Variants in PEBP4 observed in about 807,000 individuals in gnomAD.
The protein encoded by PEBP4 is phosphatidylethanolamine binding protein 4.
In PEBP4, 22 loss-of-function variants were observed where a neutral mutation model predicts 23.9. The observed-to-expected ratio is 0.92, with a 90% CI of 0.66 to 1.31. The LOEUF is 1.31. Ranked by LOEUF, PEBP4 falls within the 40% of genes most tolerant of loss-of-function variation. PEBP4 has a pLI of 0.00. For missense variants in PEBP4, 324 were observed against 281.7 expected, an observed-to-expected ratio of 1.15 and a Z score of -1.07; for synonymous variants, 112 against 99.3, an observed-to-expected ratio of 1.13 and a Z score of -0.76.
At chr8:22,914,170 T>A (rs1056996361) in intron 3 of PEBP4, among the ~76,000 whole-genome samples, 1 of 151,886 alleles carries the variant, frequency 6.6e-6, no homozygotes, top group African/African-American at 2.4e-5. Context: ...GTATTTTTAG[T>A]AGAAATGGGG....
At position 22,852,796 on chromosome 8, in the gene PEBP4, TA is replaced by T. The variant is rs568169809; in HGVS notation, c.259-35062del. Among the ~76,000 whole-genome samples the T allele has an allele frequency of 4.4e-4, 65 of 148,832 alleles. No individual in the cohort carries two copies. In the East Asian group the frequency reaches 7.4e-3, roughly 17 times the overall value. On this transcript the variant is annotated intron_variant, in intron 3 of 6. Coordinates refer to ENST00000256404, the MANE Select transcript of PEBP4 (RefSeq NM_144962.3). Reference sequence around the variant, plus strand: ...TACCAGGTCCTGAGCAATTAACAATTAAAAAAAAAAGACTAAAAGATGATGG... The same window carrying T: ...TACCAGGTCCTGAGCAATTAACAATTAAAAAAAAAGACTAAAAGATGATGG...
At chr8:22,752,534 T>C (rs1805290225) in intron 4 of PEBP4, among the ~76,000 whole-genome samples, 2 of 152,168 alleles carry the variant, frequency 1.3e-5, no homozygotes, top group African/African-American at 4.8e-5. Context: ...CCCAAAGTCA[T>C]ATACCAAGAC....
chr8:22,782,964 TA>T (rs1163035004), intron 4 of PEBP4, among the ~76,000 whole-genome samples: 3 of 152,166 alleles, frequency 2.0e-5, no homozygotes, highest in African/African-American at 7.2e-5. Context: ...CCCAGACCCA[TA>T]ATAGGGAACA....
At chr8:22,752,142 CA>C (rs1196615400) in intron 4 of PEBP4, among the ~76,000 whole-genome samples, 4 of 152,166 alleles carry the variant, frequency 2.6e-5, no homozygotes, top group African/African-American at 9.7e-5. Flanking sequence ...CTCCTGGCCT[CA>C]AGCAGTCCTC....
intron 4 of PEBP4, among the ~76,000 whole-genome samples, chr8:22,736,823 C>T (rs1804871200): frequency 1.3e-5 from 2 of 152,078 alleles, no homozygotes; most frequent in Non-Finnish European, 2.9e-5. Flanking sequence ...AAAACATTTC[C>T]CTGATATCTC....
chr8:22,902,448 A>T (rs1808730981), intron 3 of PEBP4, among the ~76,000 whole-genome samples: 1 of 149,994 alleles, frequency 6.7e-6, no homozygotes, highest in African/African-American at 2.5e-5. Context: ...GCTTTATGGC[A>T]TGAGGCAGAT....
At chr8:22,902,487 T>A (rs1808732137) in intron 3 of PEBP4, among the ~76,000 whole-genome samples, 1 of 152,120 alleles carries the variant, frequency 6.6e-6, no homozygotes, top group Admixed American at 6.5e-5. Context: ...CCATGAGACC[T>A]TGGTGAGGAT....
intron 4 of PEBP4, among the ~76,000 whole-genome samples, chr8:22,764,505 G>A (rs1805571290): frequency 1.3e-5 from 2 of 152,184 alleles, no homozygotes; most frequent in South Asian, 4.1e-4. Context: ...TTGTGGGCAT[G>A]TGACCGGTGT....
intron 4 of PEBP4, among the ~76,000 whole-genome samples, chr8:22,793,223 T>C (rs1304820767): frequency 1.3e-5 from 2 of 152,180 alleles, no homozygotes; most frequent in Non-Finnish European, 2.9e-5. Context: ...ATTATTTTAC[T>C]CATATCCTTA....
At chr8:22,834,039 G>A (rs1297546323) in intron 3 of PEBP4, among the ~76,000 whole-genome samples, 4 of 152,210 alleles carry the variant, frequency 2.6e-5, no homozygotes, top group Non-Finnish European at 5.9e-5. Context: ...TCTTCATAAA[G>A]AGGACAATCT....
At chr8:22,895,185 G>A (rs977425038) in intron 3 of PEBP4, among the ~76,000 whole-genome samples, 1 of 152,182 alleles carries the variant, frequency 6.6e-6, no homozygotes, top group African/African-American at 2.4e-5. Context: ...CAAAGTACTG[G>A]CTGGATCATC....
chr8:22,926,137 G>A (rs1160693070), intron 2 of PEBP4, among the ~76,000 whole-genome samples: 6 of 151,700 alleles, frequency 4.0e-5, no homozygotes, highest in Non-Finnish European at 5.9e-5. Flanking sequence ...CACCATGCCC[G>A]GCTAATTTTT....
rs889938714 is a variant in PEBP4, at chr8:22,895,633, T to C, written c.258+24551A>G. The C allele has an allele frequency of 2.0e-5, 3 of 152,230 alleles. No individual in the cohort carries two copies. The East Asian group carries it at 5.8e-4, about 29-fold the overall frequency. The allele number at this position is 152,230 out of a possible 1,614,324, so 9.4% of individuals were successfully genotyped here. On this transcript the variant is annotated intron_variant, in intron 3 of 6. Transcript: ENST00000256404. ...TTCAAATAGTTCTACTCTGCTCTCT[T>C]TTCTTAATGAGATCCCAACTATACA...
intron 3 of PEBP4, among the ~76,000 whole-genome samples, chr8:22,891,570 C>T (rs544846613): frequency 1.8e-4 from 28 of 152,324 alleles, no homozygotes; most frequent in Admixed American, 1.3e-3. Flanking sequence ...AAATGGGAAG[C>T]TCCTGATGCA....
intron 3 of PEBP4, among the ~76,000 whole-genome samples, chr8:22,818,864 G>A (rs1189686872): frequency 1.3e-5 from 2 of 152,082 alleles, no homozygotes; most frequent in African/African-American, 4.8e-5. Context: ...AGATTCAACG[G>A]CACGGCAGTA....
intron 3 of PEBP4, among the ~76,000 whole-genome samples, chr8:22,916,653 T>TTCAC (rs1483061384): frequency 1.3e-5 from 2 of 149,824 alleles, no homozygotes; most frequent in African/African-American, 2.5e-5. Flanking sequence ...ATGTCATTCA[T>TTCAC]TCATTCATTC....
intron 4 of PEBP4, among the ~76,000 whole-genome samples, chr8:22,746,538 C>T (rs190343037): frequency 2.6e-5 from 4 of 152,104 alleles, no homozygotes; most frequent in East Asian, 1.9e-4. Context: ...CCCTTCTCTC[C>T]GATTCCAGCC....
intron 6 of PEBP4, among the ~76,000 whole-genome samples, chr8:22,722,419 A>G (rs1167513567): frequency 6.6e-6 from 1 of 152,158 alleles, no homozygotes; most frequent in Non-Finnish European, 1.5e-5. Context: ...GAGAGAGGGG[A>G]GTCCAGATTG....
At chr8:22,850,144 A>C (rs1237984872) in intron 3 of PEBP4, among the ~76,000 whole-genome samples, 1 of 151,764 alleles carries the variant, frequency 6.6e-6, no homozygotes, top group East Asian at 1.9e-4. Flanking sequence ...GGCTTAGAAG[A>C]AATAAATAAT....
Sources: allele counts gnomAD v4.1 joint callset (sites outside exome capture counted in the v4.1 genomes callset), GRCh38; gene constraint gnomAD v4.1.1; transcripts MANE v1.5; gene names NCBI Gene and HGNC (gene_info 2026-07-23, HGNC 2026-07-21).